CASD1: variants seen among roughly 807,000 people sequenced by gnomAD.
CASD1 encodes the protein CAS1 domain sialic acid O acetyltransferase 1.
CASD1 carries 41 observed loss-of-function variants against 100.0 expected under a neutral mutation model. That is an observed-to-expected ratio of 0.41 (90% CI 0.32 to 0.53). The LOEUF is 0.53. CASD1 is among the 20% of genes least tolerant of loss of function. The pLI, the probability that CASD1 is intolerant of heterozygous loss-of-function variation, is 0.25. For synonymous variants in CASD1, 321 were observed against 315.6 expected (o/e 1.02, Z -0.18); for missense variants, 774 against 948.7 (o/e 0.82, Z 2.42).
intron 16 of CASD1, chr7:94,554,168 T>C (rs751890771): frequency 5.2e-5 from 9 of 173,556 alleles, no homozygotes; most frequent in Non-Finnish European, 8.5e-5. Context: ...GCTACATAAA[T>C]ATGATAGCAA....
intron 1 of CASD1, among the ~76,000 whole-genome samples, chr7:94,515,117 T>C (rs933380419): frequency 2.6e-5 from 4 of 152,088 alleles, no homozygotes; most frequent in Admixed American, 2.6e-4. Context: ...AAAGTCATTC[T>C]CTTCTTGCTT....
At chr7:94,569,051 G>A in the CASD1 span, among the ~76,000 whole-genome samples, 2 of 152,114 alleles carry the variant, frequency 1.3e-5, no homozygotes, top group Non-Finnish European at 2.9e-5. Flanking sequence ...TGAAATATAC[G>A]ATAAGATACA....
At chr7:94,575,879 A>T in the CASD1 span, among the ~76,000 whole-genome samples, 1 of 152,148 alleles carries the variant, frequency 6.6e-6, no homozygotes, top group South Asian at 2.1e-4. Flanking sequence ...GCACGTATTG[A>T]ATTACATTTT....
chr7:94,571,184 C>G, the CASD1 span, among the ~76,000 whole-genome samples: 1 of 152,096 alleles, frequency 6.6e-6, no homozygotes, highest in Non-Finnish European at 1.5e-5. Flanking sequence ...GCTGGTACCA[C>G]AGGCCCATGC....
chr7:94,561,616 A>G (rs959069832), downstream of CASD1, among the ~76,000 whole-genome samples: 15 of 151,950 alleles, frequency 9.9e-5, no homozygotes, highest in Middle Eastern at 3.4e-3. Flanking sequence ...TTTTTTTCCT[A>G]AAGAGAACCT....
the CASD1 span, among the ~76,000 whole-genome samples, chr7:94,571,551 T>C: frequency 6.6e-6 from 1 of 152,132 alleles, no homozygotes; most frequent in South Asian, 2.1e-4. Context: ...TAAGAAACAG[T>C]ATTTGAACCT....
the CASD1 span, among the ~76,000 whole-genome samples, chr7:94,605,644 A>G: frequency 1.3e-5 from 2 of 152,110 alleles, no homozygotes; most frequent in Admixed American, 1.3e-4. Context: ...TACAAACTCT[A>G]AGACAATCAG....
intron 5 of CASD1, among the ~76,000 whole-genome samples, chr7:94,531,829 A>G (rs566293094): frequency 2.4e-4 from 37 of 151,942 alleles, no homozygotes; most frequent in Middle Eastern, 3.4e-3. Flanking sequence ...TGATGTGGTG[A>G]TGTGTGTGAT....
the CASD1 span, among the ~76,000 whole-genome samples, chr7:94,582,626 C>A: frequency 1.3e-5 from 2 of 152,142 alleles, no homozygotes; most frequent in Non-Finnish European, 2.9e-5. Flanking sequence ...TTGATAGTTT[C>A]TTTTCATCTT....
At chr7:94,588,747 C>G in the CASD1 span, 1 of 1,613,304 alleles carries the variant, frequency 6.2e-7, no homozygotes, top group African/African-American at 1.3e-5. Context: ...AAATGATGAA[C>G]ATTTTTGAGT....
chr7:94,517,509 G>A lies in CASD1; in HGVS notation c.134-51G>A, dbSNP rs1435256319. 3 of 1,134,640 alleles carry A rather than the reference G, an allele frequency of 2.6e-6. No individual in the cohort carries two copies. The African/African-American group carries it at 4.6e-5, about 18-fold the overall frequency. 70.3% of individuals were successfully genotyped at this position (1,134,640 alleles called of 1,614,324 possible). A position where few individuals can be genotyped will look rare whatever the true frequency, so the allele number is the denominator to read the frequency against. ...CTTATATAGGGTCAAGATAGCCGAT[G>A]TGTAAAATTTTAACTATTGTTTACA... On this transcript the variant is annotated intron_variant, in intron 1 of 17. Coordinates refer to ENST00000297273, the MANE Select transcript of CASD1 (RefSeq NM_022900.5).
chr7:94,518,130 A>G (rs1794071447), intron 2 of CASD1, 73 bp from the exon 3 acceptor site: 1 of 1,384,732 alleles, frequency 7.2e-7, no homozygotes, highest in African/African-American at 1.5e-5. Flanking sequence ...ACTTTCTTCA[A>G]AAACGGTGTG....
the CASD1 span, chr7:94,630,038 CT>C: frequency 3.5e-6 from 2 of 574,756 alleles, no homozygotes; most frequent in Non-Finnish European, 6.0e-6. Context: ...GGAAAAAATT[CT>C]TTTGATTTGT....
At chr7:94,625,018 A>G in the CASD1 span, 1 of 152,072 alleles carries the variant, frequency 6.6e-6, no homozygotes, top group African/African-American at 2.4e-5. Flanking sequence ...CCAATGAGAC[A>G]TTTAACTGCT....
chr7:94,600,980 T>G, the CASD1 span: 2 of 797,804 alleles, frequency 2.5e-6, no homozygotes, highest in South Asian at 3.0e-5. Context: ...TTCCAATTAC[T>G]TTATCACCTC....
the CASD1 span, chr7:94,626,579 C>T: frequency 6.6e-5 from 10 of 151,948 alleles, 1 homozygote; most frequent in Non-Finnish European, 2.9e-5. Flanking sequence ...AATGATCTCA[C>T]AGTTCACTGC....
At chr7:94,539,736 G>C (rs1795301302) in intron 10 of CASD1, among the ~76,000 whole-genome samples, 1 of 151,514 alleles carries the variant, frequency 6.6e-6, no homozygotes, top group South Asian at 2.1e-4. Flanking sequence ...GAATAGGCAA[G>C]TTACTGTCAG....
the CASD1 span, among the ~76,000 whole-genome samples, chr7:94,630,836 C>T: frequency 4.6e-5 from 7 of 151,776 alleles, no homozygotes; most frequent in South Asian, 6.2e-4. Context: ...CCTTATGAAC[C>T]ACAAGGCTGC....
chr7:94,575,770 A>AT, the CASD1 span, among the ~76,000 whole-genome samples: 18,004 of 152,048 alleles, frequency 0.12, 1,472 homozygotes, highest in Non-Finnish European at 0.18. Flanking sequence ...TTGGTTGATG[A>AT]TTTTTTCTCC....
Sources: allele counts gnomAD v4.1 joint callset (sites outside exome capture counted in the v4.1 genomes callset), GRCh38; gene constraint gnomAD v4.1.1; transcripts MANE v1.5; gene names NCBI Gene and HGNC (gene_info 2026-07-23, HGNC 2026-07-21).